ASAP1: variants seen among roughly 807,000 people sequenced by gnomAD.
ASAP1 encodes ArfGAP with SH3 domain, ankyrin repeat and PH domain 1.
Under a neutral mutation model 145.2 loss-of-function variants are expected in ASAP1, and 43 were observed. That is an observed-to-expected ratio of 0.30 (90% CI 0.23 to 0.38). The LOEUF (loss-of-function observed/expected upper bound fraction) is 0.38, where lower values mean the gene tolerates loss of function less well. ASAP1 is among the 10% of genes least tolerant of loss of function. ASAP1 has a pLI of 1.00. For missense variants in ASAP1, 1,018 were observed against 1,355.3 expected (o/e 0.75, Z 3.91); for synonymous variants, 546 against 515.5 (o/e 1.06, Z -0.80).
At chr8:130,071,009 G>GAGA (rs1450787966) in intron 27 of ASAP1, among the ~76,000 whole-genome samples, 196 of 7,008 alleles carry the variant, frequency 0.028, 35 homozygotes, top group African/African-American at 0.063. Context: ...GAGGGGAGGG[G>GAGA]GGGAGAGAGA....
intron 27 of ASAP1, among the ~76,000 whole-genome samples, chr8:130,062,539 C>A (rs1315014881): frequency 5.3e-5 from 8 of 152,072 alleles, no homozygotes; most frequent in Admixed American, 5.2e-4. Flanking sequence ...GCCAGGCAGT[C>A]AAGAGGGAAA....
At chr8:130,162,141 T>C (rs894997800) in intron 11 of ASAP1, among the ~76,000 whole-genome samples, 2 of 152,202 alleles carry the variant, frequency 1.3e-5, no homozygotes, top group African/African-American at 2.4e-5. Context: ...TTGAATTCTA[T>C]AGTAATGTGG....
chr8:130,279,963 A>C (rs1423317621), intron 3 of ASAP1, among the ~76,000 whole-genome samples: 1 of 152,262 alleles, frequency 6.6e-6, no homozygotes, highest in African/African-American at 2.4e-5. Flanking sequence ...GTGCCAGGTT[A>C]GAAACCTGAG....
At chr8:130,159,805 A>T in intron 12 of ASAP1, 59 bp downstream of exon 12, 4 of 1,353,286 alleles carry the variant, frequency 3.0e-6, no homozygotes, top group Admixed American at 1.7e-5. Flanking sequence ...TATATGAGAG[A>T]CTGGAAACAT....
intron 3 of ASAP1, among the ~76,000 whole-genome samples, chr8:130,330,413 T>TCA (rs1337401124): frequency 1.3e-5 from 2 of 152,268 alleles, no homozygotes; most frequent in Non-Finnish European, 2.9e-5. Flanking sequence ...ATCTGAATTA[T>TCA]CACAGCTCTG....
Position 130,068,648 on chromosome 8 carries a change from G to A in ASAP1, c.2702-7579C>T, listed in dbSNP as rs530632862. Among the ~76,000 whole-genome samples, 22 of 152,294 alleles carry A rather than the reference G, an allele frequency of 1.4e-4. 1 individual carries two copies. The East Asian group carries it at 4.2e-3, about 29-fold the overall frequency. On this transcript the variant is annotated intron_variant, in intron 27 of 29. Transcript: ENST00000518721. ...GTATATATGATCCAGACACACAGGA[G>A]GCTATTCCTGCGGTAACTGGCAGCT...
chr8:130,395,112 A>G (rs949587654), intron 2 of ASAP1, among the ~76,000 whole-genome samples: 1 of 152,194 alleles, frequency 6.6e-6, no homozygotes, highest in African/African-American at 2.4e-5. Flanking sequence ...CACAAGAAAA[A>G]CATCCGTCTC....
At chr8:130,282,024 G>A (rs1427595409) in intron 3 of ASAP1, among the ~76,000 whole-genome samples, 2 of 148,640 alleles carry the variant, frequency 1.3e-5, no homozygotes, top group Non-Finnish European at 3.0e-5. Flanking sequence ...CCAAGATCAT[G>A]ACCGATTACA....
At chr8:130,187,375 T>G in intron 6 of ASAP1, 90 bp from the exon 7 acceptor site, 1 of 1,126,482 alleles carries the variant, frequency 8.9e-7, no homozygotes, top group Non-Finnish European at 1.3e-6. Flanking sequence ...CAAGAATTGT[T>G]TCCTTTATAG....
At chr8:130,203,850 T>C (rs370255698) in intron 5 of ASAP1, among the ~76,000 whole-genome samples, 43 of 152,364 alleles carry the variant, frequency 2.8e-4, no homozygotes, top group African/African-American at 1.0e-3. Context: ...CAGAAGGCTG[T>C]TAATTCTCTC....
intron 3 of ASAP1, among the ~76,000 whole-genome samples, chr8:130,300,184 A>AGAGAGAGAGAGAGAGAGAGAGC (rs761456724): frequency 7.1e-6 from 1 of 140,366 alleles, no homozygotes; most frequent in Non-Finnish European, 1.5e-5. Context: ...AGAGAGAGAG[A>AGAGAGAGAGAGAGAGAGAGAGC]GAGCGAGCGA....
intron 11 of ASAP1, among the ~76,000 whole-genome samples, chr8:130,166,955 C>T (rs976136217): frequency 2.0e-5 from 3 of 152,190 alleles, no homozygotes; most frequent in Admixed American, 2.0e-4. Flanking sequence ...GTAGAATGTA[C>T]TATGTTTCAG....
In ASAP1 at chr8:130,052,723, T is replaced by C. The variant is rs1012472604; in HGVS notation, c.*2008A>G. ...TTTAGACATGCAGCTTTTGTGTTTT[T>C]TTTTTGTTTTTGTTTTTTTTTTTTT... On this transcript the variant is annotated 3_prime_UTR_variant, in exon 30 of 30. Transcript: ENST00000518721. 5 of 146,726 alleles carry C rather than the reference T, an allele frequency of 3.4e-5. No homozygotes were observed. The highest frequency in any genetic ancestry group is 7.5e-5 in the Non-Finnish European group (5 of 66,382). 9.1% of individuals were successfully genotyped at this position (146,726 alleles called of 1,614,324 possible).
At chr8:130,252,351 T>C (rs1819250451) in intron 3 of ASAP1, among the ~76,000 whole-genome samples, 1 of 152,208 alleles carries the variant, frequency 6.6e-6, no homozygotes, top group Non-Finnish European at 1.5e-5. Flanking sequence ...ATGTTGTAAT[T>C]AAGAAAATTT....
In ASAP1 at chr8:130,061,020, C is replaced by T. The variant is rs377622334; in HGVS notation, c.2751G>A (p.Pro917=). The change falls in exon 28 of 30, where the codon CCG becomes CCA. Residue 917 remains proline, a synonymous_variant. Transcript: ENST00000518721. The stretch of plus-strand genomic sequence containing the variant: ...GTGATGATTTCTGAAAGATTTCGGG[C>T]GGGATGGTGGCTTTGTCTAGGGAGA... The part of the protein sequence containing the change: ...DHLSLDKATI[P]PEIFQKSSQL... 76 of 1,548,746 alleles carry T rather than the reference C, an allele frequency of 4.9e-5. No homozygotes were observed. In the East Asian group the frequency reaches 6.7e-4, roughly 14 times the overall value.
At chr8:130,086,754 TG>T (rs1177786457) in intron 25 of ASAP1, among the ~76,000 whole-genome samples, 6 of 152,168 alleles carry the variant, frequency 3.9e-5, no homozygotes, top group African/African-American at 1.4e-4. Context: ...CAGTGAGCTA[TG>T]ATCACGCCAC....
In ASAP1 at chr8:130,058,014, C is replaced by T. The variant is rs750797460; in HGVS notation, c.3255G>A (p.Glu1085=). The part of the protein sequence containing the change: ...IYDCQADNDD[E]LTFIEGEVII... The stretch of plus-strand genomic sequence containing the variant: ...TCACTTCTCCCTCGATGAATGTGAG[C>T]TCGTCATCGTTGTCTGCCTGGCAGT... Residue 1085 remains glutamate, a synonymous_variant, in exon 29 of 30, where the codon GAG becomes GAA. Transcript: ENST00000518721. 13 of 1,614,062 alleles carry T rather than the reference C, an allele frequency of 8.1e-6. No individual in the cohort carries two copies. The African/African-American group carries it at 1.6e-4, about 20-fold the overall frequency.
chr8:130,186,201 A>T (rs1289806494), intron 7 of ASAP1, among the ~76,000 whole-genome samples: 1 of 152,172 alleles, frequency 6.6e-6, no homozygotes, highest in Non-Finnish European at 1.5e-5. Flanking sequence ...TTCATTTATC[A>T]GTTGACCATT....
intron 5 of ASAP1, among the ~76,000 whole-genome samples, chr8:130,205,888 C>T (rs1816188771): frequency 6.6e-6 from 1 of 151,964 alleles, no homozygotes; most frequent in Admixed American, 6.6e-5. Context: ...GGATTTTGGA[C>T]CTGAATGAGA....
Sources: gnomAD v4.1 joint callset for allele counts (sites outside exome capture counted in the v4.1 genomes callset) on GRCh38, gnomAD v4.1.1 for gene constraint, MANE v1.5 for transcripts, NCBI Gene and HGNC (gene_info 2026-07-23, HGNC 2026-07-21) for gene names.